ACP4: variants seen among roughly 807,000 people sequenced by gnomAD.
ACP4 encodes the protein acid phosphatase 4.
ACP4 carries 49 observed loss-of-function variants against 47.3 expected under a neutral mutation model. The ratio of observed to expected loss-of-function variants is 1.04; its 90% confidence interval spans 0.82 to 1.32. The LOEUF (loss-of-function observed/expected upper bound fraction) is 1.32, where lower values mean the gene tolerates loss of function less well. Among genes scored for constraint, ACP4 ranks in the 40% most tolerant of loss-of-function variants. ACP4 has a pLI of 0.00. For synonymous variants in ACP4, 299 were observed against 265.3 expected (o/e 1.13, Z -1.23); for missense variants, 594 against 579.3 (o/e 1.03, Z -0.26).
chr19:50,795,195 T>C lies in ACP4; in HGVS notation c.*37T>C. On this transcript the variant is annotated 3_prime_UTR_variant, in exon 11 of 11. Coordinates refer to ENST00000270593, the MANE Select transcript of ACP4 (RefSeq NM_033068.3). ...GGGCTTCCCTACCCCCAGCTGACAC[T>C]GGACCCCAACATGTATGCTCAGTAG... 4 of 1,495,014 alleles carry C rather than the reference T, an allele frequency of 2.7e-6. No individual in the cohort carries two copies. Among genetic ancestry groups the C allele is most frequent in the Non-Finnish European group, 3.6e-6 (4 of 1,118,074 alleles). The allele number at this position is 1,495,014 out of a possible 1,614,324, so 92.6% of individuals were successfully genotyped here. A position where few individuals can be genotyped will look rare whatever the true frequency, so the allele number is the denominator to read the frequency against.
Sources: gnomAD v4.1 joint callset for allele counts on GRCh38, gnomAD v4.1.1 for gene constraint, MANE v1.5 for transcripts, NCBI Gene and HGNC (gene_info 2026-07-23, HGNC 2026-07-21) for gene names.